CHRM3: variants seen among roughly 807,000 people sequenced by gnomAD.
CHRM3 encodes cholinergic receptor muscarinic 3.
In CHRM3, 11 loss-of-function variants were observed where a neutral mutation model predicts 41.8. That is an observed-to-expected ratio of 0.26 (90% CI 0.17 to 0.44). CHRM3 has a LOEUF of 0.44. CHRM3 is among the 20% of genes least tolerant of loss of function. The probability of loss-of-function intolerance (pLI) is 1.00; values close to 1 mark genes in which losing one functional copy is unlikely to be tolerated. For synonymous variants in CHRM3, 297 were observed against 301.4 expected (o/e 0.99, Z 0.15); for missense variants, 571 against 745.4 (o/e 0.77, Z 2.72).
At chr1:239,879,269 T>C (rs1677384254) in intron 6 of CHRM3, among the ~76,000 whole-genome samples, 1 of 152,162 alleles carries the variant, frequency 6.6e-6, no homozygotes, top group Non-Finnish European at 1.5e-5. Context: ...GTGCTGGGAT[T>C]ACGGGTGTGA....
At chr1:239,840,826 A>C (rs1400823970) in intron 6 of CHRM3, among the ~76,000 whole-genome samples, 1 of 152,214 alleles carries the variant, frequency 6.6e-6, no homozygotes. Context: ...GGATGGCTTC[A>C]GTTTGTAGAA....
intron 3 of CHRM3, among the ~76,000 whole-genome samples, chr1:239,611,222 A>G (rs1168708720): frequency 1.3e-5 from 2 of 152,160 alleles, no homozygotes; most frequent in African/African-American, 4.8e-5. Flanking sequence ...CAAAATGAAT[A>G]TAATGGGATG....
At chr1:239,617,740 CAATATGATATTAA>C (rs1195609962) in intron 3 of CHRM3, among the ~76,000 whole-genome samples, 1 of 152,098 alleles carries the variant, frequency 6.6e-6, no homozygotes, top group Non-Finnish European at 1.5e-5. Context: ...TTTAAACCTA[CAATATGATATTAA>C]AATATCTATA....
At chr1:239,800,831 G>A (rs1466969632) in intron 5 of CHRM3, among the ~76,000 whole-genome samples, 2 of 152,110 alleles carry the variant, frequency 1.3e-5, no homozygotes, top group South Asian at 2.1e-4. Flanking sequence ...TTATGAGGCA[G>A]AATACATTTG....
intron 1 of CHRM3, among the ~76,000 whole-genome samples, chr1:239,463,248 A>C (rs1388576117): frequency 6.6e-6 from 1 of 152,162 alleles, no homozygotes; most frequent in African/African-American, 2.4e-5. Context: ...ATGAGGCATT[A>C]TTTTCAAACC....
chr1:239,534,926 C>A (rs1658050709), intron 2 of CHRM3, among the ~76,000 whole-genome samples: 1 of 152,176 alleles, frequency 6.6e-6, no homozygotes, highest in Non-Finnish European at 1.5e-5. Flanking sequence ...TTTGAAGATG[C>A]TATATTTTTT....
intron 2 of CHRM3, among the ~76,000 whole-genome samples, chr1:239,497,313 A>G (rs1229798242): frequency 6.6e-6 from 1 of 152,180 alleles, no homozygotes; most frequent in Admixed American, 6.5e-5. Flanking sequence ...GTACATTAGT[A>G]AGCAGTTTTT....
chr1:239,902,951 CTG>C (rs1366785030), intron 6 of CHRM3, among the ~76,000 whole-genome samples: 1 of 152,126 alleles, frequency 6.6e-6, no homozygotes, highest in African/African-American at 2.4e-5. Context: ...AAGCACATCT[CTG>C]AGAATTTCAG....
chr1:239,480,707 C>G (rs1246035848), intron 1 of CHRM3, among the ~76,000 whole-genome samples: 1 of 151,962 alleles, frequency 6.6e-6, no homozygotes, highest in African/African-American at 2.4e-5. Context: ...CAGGTGCCCA[C>G]CAGCACACCT....
At chr1:239,393,967 A>C (rs1379403737) in intron 1 of CHRM3, among the ~76,000 whole-genome samples, 1 of 152,152 alleles carries the variant, frequency 6.6e-6, no homozygotes, top group Non-Finnish European at 1.5e-5. Context: ...ACCTATGTTC[A>C]TTTACATAGG....
At chr1:239,830,962 G>T (rs1056137247) in intron 6 of CHRM3, among the ~76,000 whole-genome samples, 6 of 151,876 alleles carry the variant, frequency 4.0e-5, no homozygotes, top group African/African-American at 7.3e-5. Context: ...CATTCCATGA[G>T]ATTTTCAAAA....
At chr1:239,727,453 G>A (rs1475455829) in intron 5 of CHRM3, among the ~76,000 whole-genome samples, 1 of 151,924 alleles carries the variant, frequency 6.6e-6, no homozygotes, top group Non-Finnish European at 1.5e-5. Flanking sequence ...AAAAGCTTTT[G>A]TGCTACTTTT....
Position 239,908,637 on chromosome 1 carries a change from C to A in CHRM3, c.1186C>A (p.Leu396Met), listed in dbSNP as rs61744065. 469 of 1,611,622 alleles carry A rather than the reference C, an allele frequency of 2.9e-4. 1 individual carries two copies. In the African/African-American group the frequency reaches 5.4e-3, roughly 18 times the overall value. Residue 396 changes from leucine to methionine, a missense_variant, in exon 7 of 7, where the codon CTG (leucine) becomes ATG (methionine). Transcript: ENST00000676153. The surrounding 1 kb of genome is among the most constrained non-coding windows in gnomAD (Gnocchi z 7.2). ...SDNLQVPEEE[L>M]GMVDLERKAD... ...CAACCTGCAGGTGCCTGAGGAGGAGCTGGGGATGGTGGACTTGGAGAGGAA... is the reference window on the plus strand; with the variant it reads ...CAACCTGCAGGTGCCTGAGGAGGAGATGGGGATGGTGGACTTGGAGAGGAA...
At chr1:239,408,521 CAAAAA>C (rs371319364) in intron 1 of CHRM3, among the ~76,000 whole-genome samples, 24 of 61,262 alleles carry the variant, frequency 3.9e-4, no homozygotes, top group African/African-American at 1.3e-3. Context: ...GAGACTCCGT[CAAAAA>C]AAAAAAAAAA....
At chr1:239,752,857 G>T (rs1246562687) in intron 5 of CHRM3, among the ~76,000 whole-genome samples, 4 of 152,076 alleles carry the variant, frequency 2.6e-5, no homozygotes, top group African/African-American at 7.2e-5. Context: ...AACATCAGAA[G>T]TCAAACAGGA....
Position 239,827,358 on chromosome 1 carries a change from T to C in CHRM3, c.-40T>C, listed in dbSNP as rs1005428964. Reference sequence around the variant, plus strand: ...GTCACTGTTTTGCATCCTTGTTACATAACTCAGTTCCTGGTAGATTGTAAG... The same window carrying C: ...GTCACTGTTTTGCATCCTTGTTACACAACTCAGTTCCTGGTAGATTGTAAG... On this transcript the variant is annotated 5_prime_UTR_variant, in exon 6 of 7. The change abolishes the stop of an existing upstream ORF in the 5' untranslated region. Coordinates refer to ENST00000676153, the MANE Select transcript of CHRM3 (RefSeq NM_001375978.1). 1.3e-5 allele frequency: 2 copies of C among 152,214 alleles called. No homozygotes were observed. Among genetic ancestry groups the C allele is most frequent in the Admixed American group, 1.3e-4 (2 of 15,284 alleles). 9.4% of individuals were successfully genotyped at this position (152,214 alleles called of 1,614,324 possible).
chr1:239,678,672 A>G (rs1037357617), intron 5 of CHRM3, among the ~76,000 whole-genome samples: 5 of 152,168 alleles, frequency 3.3e-5, no homozygotes, highest in Non-Finnish European at 7.4e-5. Context: ...ACAGAAAAAC[A>G]TCGACTTCTT....
intron 1 of CHRM3, among the ~76,000 whole-genome samples, chr1:239,419,941 G>T (rs1181203914): frequency 6.6e-6 from 1 of 152,082 alleles, no homozygotes; most frequent in Non-Finnish European, 1.5e-5. Flanking sequence ...TCGTTTCCCT[G>T]CCCCTGTCTG....
intron 5 of CHRM3, among the ~76,000 whole-genome samples, chr1:239,758,998 G>A (rs74976874): frequency 0.062 from 9,413 of 152,010 alleles, 701 homozygotes; most frequent in African/African-American, 0.17. Flanking sequence ...AGCAGTATAG[G>A]TTGTCTTATA....
Sources: allele counts gnomAD v4.1 joint callset (sites outside exome capture counted in the v4.1 genomes callset), GRCh38; gene constraint gnomAD v4.1.1; non-coding constraint Gnocchi (gnomAD v3.1); transcripts MANE v1.5; gene names NCBI Gene and HGNC (gene_info 2026-07-23, HGNC 2026-07-21).